DCHS2: variants seen among roughly 807,000 people sequenced by gnomAD.
The protein encoded by DCHS2 is dachsous cadherin-related 2.
A neutral mutation model predicts 182.4 loss-of-function variants in DCHS2; 142 were observed. The ratio of observed to expected loss-of-function variants is 0.78; its 90% CI spans 0.68 to 0.89. The LOEUF is 0.89. DCHS2 is among the 40% of genes least tolerant of loss of function. The pLI is 0.00. For missense variants in DCHS2, 4,319 were observed against 4,198.6 expected (o/e 1.03, Z -0.79); for synonymous variants, 1,740 against 1,663.3 (o/e 1.05, Z -1.12).
At chr4:154,338,744 T>C (rs1728930353) in intron 3 of DCHS2, among the ~76,000 whole-genome samples, 1 of 152,228 alleles carries the variant, frequency 6.6e-6, no homozygotes, top group Non-Finnish European at 1.5e-5. Context: ...GAATACTGTG[T>C]AGCATCAAAA....
intron 1 of DCHS2, among the ~76,000 whole-genome samples, chr4:154,440,143 C>T (rs1052141150): frequency 3.3e-4 from 50 of 152,260 alleles, no homozygotes; most frequent in Admixed American, 2.7e-3. Flanking sequence ...CTTCACTTTC[C>T]TTATCTCATT....
At chr4:154,431,354 T>A (rs983584740) in intron 1 of DCHS2, among the ~76,000 whole-genome samples, 1 of 152,152 alleles carries the variant, frequency 6.6e-6, no homozygotes, top group Admixed American at 6.5e-5. Flanking sequence ...AAAACTTATA[T>A]CATAAGCGGT....
intron 1 of DCHS2, among the ~76,000 whole-genome samples, chr4:154,407,987 C>T (rs1264011362): frequency 2.0e-5 from 3 of 152,086 alleles, no homozygotes; most frequent in Admixed American, 1.3e-4. Flanking sequence ...CCCCAAGTAC[C>T]GTCCACCTCT....
chr4:154,322,597 C>A, intron 7 of DCHS2, 109 bp from the exon 8 acceptor site: 2 of 1,338,772 alleles, frequency 1.5e-6, no homozygotes, highest in Non-Finnish European at 2.0e-6. Context: ...GCTTTGAATT[C>A]TATGAGAGTA....
At chr4:154,294,846 T>G (rs1358542253) in intron 13 of DCHS2, among the ~76,000 whole-genome samples, 1 of 152,180 alleles carries the variant, frequency 6.6e-6, no homozygotes, top group Non-Finnish European at 1.5e-5. Context: ...CTGGGTAAGC[T>G]CTGCCTGAGG....
chr4:154,458,861 A>C lies in DCHS2; in HGVS notation c.2052+30443T>G, dbSNP rs374446591. On this transcript the variant is annotated intron_variant, in intron 1 of 19. Transcript: ENST00000357232. ...TAAGGTTGCAGTTTCTCAGGTGCACACACAAATATTCCACAGATGCATACA... is the reference window on the plus strand; with the variant it reads ...TAAGGTTGCAGTTTCTCAGGTGCACCCACAAATATTCCACAGATGCATACA... Among the ~76,000 whole-genome samples the C allele has an allele frequency of 3.3e-5, 5 of 152,334 alleles. No individual in the cohort carries two copies. In the East Asian group the frequency reaches 9.6e-4, roughly 29 times the overall value.
At chr4:154,374,025 A>AAAT in intron 2 of DCHS2, 1 of 939,608 alleles carries the variant, frequency 1.1e-6, no homozygotes, top group South Asian at 1.6e-5. Context: ...AAAAAAAAAA[A>AAAT]CTTGCTTATA....
chr4:154,266,246 C>T (rs190967360), intron 14 of DCHS2, among the ~76,000 whole-genome samples: 3 of 152,206 alleles, frequency 2.0e-5, no homozygotes, highest in Non-Finnish European at 2.9e-5. Flanking sequence ...CCTGGATCAA[C>T]GAGCCACGAT....
chr4:154,358,535 G>C (rs1729976093), intron 3 of DCHS2, among the ~76,000 whole-genome samples: 2 of 152,138 alleles, frequency 1.3e-5, no homozygotes, highest in Non-Finnish European at 2.9e-5. Flanking sequence ...CCAAAAGGTG[G>C]CTTATAAGTT....
rs146944115 is a variant in DCHS2 at position 154,454,028 on chromosome 4, TTGA to T, written c.2052+35273_2052+35275del. Reference sequence around the variant, plus strand: ...CTAGTAAATTATTTAATACATGCAATTGATGAAAATGAAATATTAAATAGAAAC... The same window carrying T: ...CTAGTAAATTATTTAATACATGCAATTGAAAATGAAATATTAAATAGAAAC... On this transcript the variant is annotated intron_variant, in intron 1 of 19. Transcript: ENST00000357232. Among the ~76,000 whole-genome samples the T allele has an allele frequency of 3.9e-3, 598 of 152,240 alleles. 4 individuals are homozygous for T. The highest frequency in any genetic ancestry group is 6.6e-3 in the Non-Finnish European group (449 of 68,016).
At chr4:154,462,528 G>T (rs185547677) in intron 1 of DCHS2, among the ~76,000 whole-genome samples, 1 of 152,188 alleles carries the variant, frequency 6.6e-6, no homozygotes, top group East Asian at 1.9e-4. Context: ...CACATGGACA[G>T]ACAGAGAGAC....
intron 1 of DCHS2, among the ~76,000 whole-genome samples, chr4:154,424,712 C>G (rs893180655): frequency 1.3e-5 from 2 of 152,152 alleles, no homozygotes; most frequent in Non-Finnish European, 1.5e-5. Context: ...AGTAAATTAG[C>G]TAGGTCTAAG....
chr4:154,437,903 G>A (rs1278289591), intron 1 of DCHS2, among the ~76,000 whole-genome samples: 2 of 152,150 alleles, frequency 1.3e-5, no homozygotes, highest in Non-Finnish European at 2.9e-5. Context: ...TGGGCATGAT[G>A]GCTCATGCCT....
In DCHS2 at chr4:154,488,010, C is replaced by A. The variant is rs537708702; in HGVS notation, c.2052+1294G>T. ...CTGGGGAACACAGCTGGACCTCGTC[C>A]CTACACATTATTTAAAAATTAGCTA... On this transcript the variant is annotated intron_variant, in intron 1 of 19. Transcript: ENST00000357232. Among the ~76,000 whole-genome samples the A allele has an allele frequency of 4.6e-5, 7 of 151,954 alleles. 1 individual carries two copies. The South Asian group carries it at 1.5e-3, about 32-fold the overall frequency.
intron 1 of DCHS2, among the ~76,000 whole-genome samples, chr4:154,467,725 TA>T: frequency 6.6e-6 from 1 of 152,298 alleles, no homozygotes; most frequent in South Asian, 2.1e-4. Context: ...AAATTACACC[TA>T]ATGGCAATTT....
intron 7 of DCHS2, chr4:154,322,834 A>T: frequency 4.0e-6 from 1 of 248,552 alleles, no homozygotes; most frequent in Non-Finnish European, 7.6e-6. Context: ...AAGTCATATT[A>T]TTTCTTCTGT....
intron 1 of DCHS2, among the ~76,000 whole-genome samples, chr4:154,403,702 G>A (rs77231100): frequency 0.013 from 1,955 of 152,202 alleles, 38 homozygotes; most frequent in African/African-American, 0.045. Context: ...TTCTGAGTTT[G>A]TCTGACATTA....
At chr4:154,464,722 G>C (rs1383770370) in intron 1 of DCHS2, among the ~76,000 whole-genome samples, 1 of 152,172 alleles carries the variant, frequency 6.6e-6, no homozygotes, top group Non-Finnish European at 1.5e-5. Context: ...ACTAGAGACT[G>C]AGGCTGAACA....
At chr4:154,392,105 G>A (rs997981435) in intron 1 of DCHS2, among the ~76,000 whole-genome samples, 4 of 152,012 alleles carry the variant, frequency 2.6e-5, no homozygotes, top group Non-Finnish European at 5.9e-5. Flanking sequence ...AAGCTTCCAC[G>A]TGGTATGATT....
Sources: gnomAD v4.1 joint callset for allele counts (sites outside exome capture counted in the v4.1 genomes callset) on GRCh38, gnomAD v4.1.1 for gene constraint, MANE v1.5 for transcripts, NCBI Gene and HGNC (gene_info 2026-07-23, HGNC 2026-07-21) for gene names.